ATOSA: variants seen among roughly 807,000 people sequenced by gnomAD.
The protein encoded by ATOSA is atos homolog A.
chr15:52,619,284 A>G, the ATOSA span, among the ~76,000 whole-genome samples: 1 of 152,230 alleles, frequency 6.6e-6, no homozygotes, highest in Non-Finnish European at 1.5e-5. Context: ...AAGAAAAGTT[A>G]CATCATTAAA....
At chr15:52,632,229 T>C in the ATOSA span, among the ~76,000 whole-genome samples, 2 of 152,236 alleles carry the variant, frequency 1.3e-5, no homozygotes, top group Non-Finnish European at 2.9e-5. Context: ...GACTACAACT[T>C]AAGCAAGTAG....
chr15:52,687,896 A>G, the ATOSA span, among the ~76,000 whole-genome samples: 1 of 152,230 alleles, frequency 6.6e-6, no homozygotes, highest in Non-Finnish European at 1.5e-5. Context: ...ATGAGGCTGA[A>G]GGGACAGCAT....
At chr15:52,690,604 C>T in the ATOSA span, among the ~76,000 whole-genome samples, 2 of 152,216 alleles carry the variant, frequency 1.3e-5, no homozygotes, top group Non-Finnish European at 2.9e-5. Flanking sequence ...TTAAGTAGAA[C>T]ATGGCCCCTA....
chr15:52,643,315 A>T, the ATOSA span, among the ~76,000 whole-genome samples: 4 of 152,206 alleles, frequency 2.6e-5, no homozygotes, highest in Non-Finnish European at 5.9e-5. Flanking sequence ...AAACTGACCC[A>T]GCATCTTGCT....
chr15:52,649,112 T>C, the ATOSA span, among the ~76,000 whole-genome samples: 15 of 152,180 alleles, frequency 9.9e-5, no homozygotes, highest in Admixed American at 9.2e-4. Context: ...AAAAATTTAC[T>C]ATATACTTGC....
At chr15:52,633,581 C>G in the ATOSA span, among the ~76,000 whole-genome samples, 1 of 151,804 alleles carries the variant, frequency 6.6e-6, no homozygotes, top group Non-Finnish European at 1.5e-5. Context: ...CAGTAGCACA[C>G]AGAAAGCAAG....
chr15:52,591,121 T>C, the ATOSA span, among the ~76,000 whole-genome samples: 2 of 152,246 alleles, frequency 1.3e-5, no homozygotes, highest in Admixed American at 1.3e-4. Flanking sequence ...TTAATTTCCA[T>C]CAAAGATATT....
the ATOSA span, among the ~76,000 whole-genome samples, chr15:52,661,473 C>G: frequency 2.6e-5 from 4 of 152,160 alleles, no homozygotes; most frequent in Non-Finnish European, 5.9e-5. Flanking sequence ...TTCTCTGGGT[C>G]TTACATTTTC....
At chr15:52,681,689 G>A in the ATOSA span, among the ~76,000 whole-genome samples, 1 of 152,134 alleles carries the variant, frequency 6.6e-6, no homozygotes, top group Non-Finnish European at 1.5e-5. Flanking sequence ...CATCTGATTT[G>A]CTTTCCATTT....
the ATOSA span, among the ~76,000 whole-genome samples, chr15:52,687,920 T>C: frequency 3.9e-5 from 6 of 152,216 alleles, no homozygotes; most frequent in African/African-American, 1.4e-4. Flanking sequence ...AGCTCTGAGC[T>C]AAATCTTAAG....
the ATOSA span, chr15:52,593,714 A>C: frequency 1.9e-6 from 3 of 1,555,378 alleles, no homozygotes; most frequent in Non-Finnish European, 2.6e-6. Context: ...GAGAGGATCG[A>C]AACGATAGTT....
chr15:52,705,459 C>T, the ATOSA span, among the ~76,000 whole-genome samples: 1 of 151,910 alleles, frequency 6.6e-6, no homozygotes, highest in Non-Finnish European at 1.5e-5. Flanking sequence ...ACCTATGTAA[C>T]AAACCTGCAC....
chr15:52,709,051 T>G, the ATOSA span, among the ~76,000 whole-genome samples: 14 of 152,252 alleles, frequency 9.2e-5, no homozygotes, highest in Non-Finnish European at 1.5e-4. Context: ...GAGTACTCCC[T>G]GTCTGCAAGT....
At chr15:52,704,417 A>G in the ATOSA span, among the ~76,000 whole-genome samples, 1 of 152,210 alleles carries the variant, frequency 6.6e-6, no homozygotes, top group East Asian at 1.9e-4. Flanking sequence ...AAGAAAACCT[A>G]GGCAATACCA....
chr15:52,695,184 T>G, the ATOSA span, among the ~76,000 whole-genome samples: 5 of 152,170 alleles, frequency 3.3e-5, no homozygotes, highest in African/African-American at 1.2e-4. Flanking sequence ...CTTGGTCTCC[T>G]AAAGTGCTGG....
chr15:52,606,112 G>A, the ATOSA span, among the ~76,000 whole-genome samples: 1 of 152,014 alleles, frequency 6.6e-6, no homozygotes, highest in Non-Finnish European at 1.5e-5. Flanking sequence ...CCGTGGATAA[G>A]GGGCGACTAC....
At chr15:52,696,417 C>A in the ATOSA span, among the ~76,000 whole-genome samples, 1 of 152,148 alleles carries the variant, frequency 6.6e-6, no homozygotes, top group Non-Finnish European at 1.5e-5. Context: ...GGCCTCCCTG[C>A]CTTTCACTTA....
chr15:52,691,888 A>G, the ATOSA span, among the ~76,000 whole-genome samples: 1 of 152,030 alleles, frequency 6.6e-6, no homozygotes. Context: ...AAAACGAGTC[A>G]AAGATCCACT....
At chr15:52,675,647 G>A in the ATOSA span, among the ~76,000 whole-genome samples, 8 of 152,146 alleles carry the variant, frequency 5.3e-5, no homozygotes, top group South Asian at 1.5e-3. Context: ...GGTGGCTCAC[G>A]CCTGTAATCC....
Sources: gnomAD v4.1 joint callset for allele counts (sites outside exome capture counted in the v4.1 genomes callset) on GRCh38, gnomAD v4.1.1 for gene constraint, MANE v1.5 for transcripts, NCBI Gene and HGNC (gene_info 2026-07-23, HGNC 2026-07-21) for gene names.